ZNF264: variants seen among roughly 807,000 people sequenced by gnomAD.
ZNF264 encodes the protein zinc finger protein 264.
ZNF264 carries 11 observed loss-of-function variants against 11.2 expected under a neutral mutation model. The ratio of observed to expected loss-of-function variants is 0.98; its 90% CI spans 0.62 to 1.63. The LOEUF is 1.63. Ranked by LOEUF, ZNF264 falls within the 40% of genes most tolerant of loss-of-function variation. ZNF264 has a pLI of 0.00. For synonymous variants in ZNF264, 309 were observed against 279.8 expected, an observed-to-expected ratio of 1.10 and a Z score of -1.04; for missense variants, 752 against 768.1, an observed-to-expected ratio of 0.98 and a Z score of 0.25.
At chr19:57,199,470 G>C (rs1224352083) in intron 2 of ZNF264, among the ~76,000 whole-genome samples, 1 of 151,788 alleles carries the variant, frequency 6.6e-6, no homozygotes, top group Non-Finnish European at 1.5e-5. Flanking sequence ...GCTCACCCAT[G>C]ATGGGCCATC....
In ZNF264 at chr19:57,212,093, G is replaced by T; in HGVS notation, c.996G>T (p.Arg332=). Residue 332 remains arginine, a synonymous_variant, in exon 4 of 4, where the codon CGG becomes CGT. Coordinates refer to ENST00000263095, the MANE Select transcript of ZNF264 (RefSeq NM_003417.5). ...TTCGACATAGGCCAGGCTTTCTCCG[G>T]CACTATGTTGTCCACAGTGGTGAGA... ...QVFRHRPGFL[R]HYVVHSGENP... is the part of the protein sequence containing the mutation. 1 of 1,614,108 alleles carries T rather than the reference G, an allele frequency of 6.2e-7. No individual in the cohort carries two copies. Among genetic ancestry groups the T allele is most frequent in the Non-Finnish European group, 8.5e-7 (1 of 1,180,020 alleles).
intron 1 of ZNF264, 28 bp from the exon 2 acceptor site, chr19:57,193,847 A>G (rs1489703321): frequency 6.2e-7 from 1 of 1,612,880 alleles, no homozygotes; most frequent in Non-Finnish European, 8.5e-7. Flanking sequence ...TGAAAGGCCA[A>G]TACTACTAAT....
At chr19:57,196,941 C>T (rs770147447) in intron 2 of ZNF264, among the ~76,000 whole-genome samples, 1 of 151,990 alleles carries the variant, frequency 6.6e-6, no homozygotes, top group African/African-American at 2.4e-5. Context: ...AGGTGCACTG[C>T]TCCAAGTTCT....
At chr19:57,207,731 T>A (rs2087303978) in intron 3 of ZNF264, among the ~76,000 whole-genome samples, 1 of 151,454 alleles carries the variant, frequency 6.6e-6, no homozygotes, top group African/African-American at 2.4e-5. Flanking sequence ...TTTTTTGTTT[T>A]GTTTTGTTTT....
intron 2 of ZNF264, 56 bp from the exon 3 acceptor site, chr19:57,205,341 G>A (rs1474037883): frequency 2.0e-6 from 3 of 1,512,214 alleles, no homozygotes; most frequent in East Asian, 4.8e-5. Flanking sequence ...CTAGATTGAA[G>A]GTCTTTATTT....
At position 57,216,113 on chromosome 19, in the gene ZNF264, G is replaced by A. The variant is rs895910210; in HGVS notation, c.*3132G>A. ...CACGCCTGTAATCCTAGCACTTTGA[G>A]ACCACTAAGGCAGGTGGATCACCTG... is the stretch of plus-strand genomic sequence containing the variant. On this transcript the variant is annotated 3_prime_UTR_variant, in exon 4 of 4. Transcript: ENST00000263095. The A allele has an allele frequency of 1.3e-5, 2 of 152,252 alleles. No homozygotes were observed. The highest frequency in any genetic ancestry group is 6.5e-5 in the Admixed American group (1 of 15,270). 9.4% of individuals were successfully genotyped at this position (152,252 alleles called of 1,614,324 possible). A position where few individuals can be genotyped will look rare whatever the true frequency, so the allele number is the denominator to read the frequency against.
intron 2 of ZNF264, among the ~76,000 whole-genome samples, chr19:57,203,417 G>T (rs551478031): frequency 7.3e-4 from 111 of 152,192 alleles, no homozygotes; most frequent in African/African-American, 2.6e-3. Flanking sequence ...GTCTGAAAAG[G>T]CTTCAAGATG....
rs2087428219 is a variant in ZNF264 at position 57,222,841 on chromosome 19, T to C, written c.*9860T>C. On this transcript the variant is annotated 3_prime_UTR_variant, in exon 4 of 4. Coordinates refer to ENST00000263095, the MANE Select transcript of ZNF264 (RefSeq NM_003417.5). ...TAACTTGTGATTAAAGAGTATGTTATTGGAATCATGTTTGCCTGAGTTTTA... is the reference window on the plus strand; with the variant it reads ...TAACTTGTGATTAAAGAGTATGTTACTGGAATCATGTTTGCCTGAGTTTTA... 6.5e-6 allele frequency: 1 copy of C among 152,760 alleles called. No homozygotes were observed. Among genetic ancestry groups the C allele is most frequent in the South Asian group, 2.1e-4 (1 of 4,836 alleles). The allele number at this position is 152,760 out of a possible 1,614,324, so 9.5% of individuals were successfully genotyped here.
chr19:57,215,547 A>T lies in ZNF264; in HGVS notation c.*2566A>T, dbSNP rs1401258757. The T allele has an allele frequency of 6.6e-6, 1 of 151,960 alleles. No homozygotes were observed. The highest frequency in any genetic ancestry group is 1.9e-4 in the East Asian group (1 of 5,182). The allele number at this position is 151,960 out of a possible 1,614,324, so 9.4% of individuals were successfully genotyped here. ...CTTGATTTCTTTGATTTCTGCTCTG[A>T]TCGGTATTATATTCCACTTGCTTTG... is the stretch of plus-strand genomic sequence containing the variant. On this transcript the variant is annotated 3_prime_UTR_variant, in exon 4 of 4. Transcript: ENST00000263095.
intron 2 of ZNF264, among the ~76,000 whole-genome samples, chr19:57,202,317 T>A (rs1267041771): frequency 6.6e-6 from 1 of 151,906 alleles, no homozygotes; most frequent in Non-Finnish European, 1.5e-5. Flanking sequence ...TTACAATTCG[T>A]GAAAGAAGAG....
Position 57,217,165 on chromosome 19 carries a change from C to T in ZNF264, c.*4184C>T, listed in dbSNP as rs2087385895. Reference sequence around the variant, plus strand: ...AGTGTGGTTTCTACTGAATGCATGTCGCATTCGCACCATTGTAAAGTCAAG... The same window carrying T: ...AGTGTGGTTTCTACTGAATGCATGTTGCATTCGCACCATTGTAAAGTCAAG... On this transcript the variant is annotated 3_prime_UTR_variant, in exon 4 of 4. Coordinates refer to ENST00000263095, the MANE Select transcript of ZNF264 (RefSeq NM_003417.5). 6.6e-6 allele frequency: 1 copy of T among 152,134 alleles called. No homozygotes were observed. Among genetic ancestry groups the T allele is most frequent in the Admixed American group, 6.5e-5 (1 of 15,270 alleles). 9.4% of individuals were successfully genotyped at this position (152,134 alleles called of 1,614,324 possible).
rs2087284868 is a variant in ZNF264, at chr19:57,205,440, T to C, written c.204T>C (p.His68=). 1.8e-5 allele frequency: 29 copies of C among 1,612,584 alleles called. No individual in the cohort carries two copies. The highest frequency in any genetic ancestry group is 2.5e-5 in the Non-Finnish European group (29 of 1,179,440). ...CTGAGCTGATCTGCCACCTAGAGCA[T>C]GGGCAGGAGCCATGGACCAGGAAGG... ...PKAELICHLE[H]GQEPWTRKED... The change falls in exon 3 of 4, where the codon CAT becomes CAC. Residue 68 remains histidine, a synonymous_variant. Transcript: ENST00000263095.
chr19:57,203,523 T>G (rs73062836), intron 2 of ZNF264, among the ~76,000 whole-genome samples: 17,756 of 152,218 alleles, frequency 0.12, 1,102 homozygotes, highest in Admixed American at 0.14. Flanking sequence ...TCTATGAAGC[T>G]GTCCTTTGAG....
intron 3 of ZNF264, among the ~76,000 whole-genome samples, chr19:57,205,778 C>T (rs964904128): frequency 1.3e-5 from 2 of 152,198 alleles, no homozygotes; most frequent in Non-Finnish European, 2.9e-5. Flanking sequence ...TGAAATGTGG[C>T]TTGCCAGTCA....
chr19:57,202,709 G>A (rs2087262244), intron 2 of ZNF264, among the ~76,000 whole-genome samples: 1 of 151,876 alleles, frequency 6.6e-6, no homozygotes, highest in African/African-American at 2.4e-5. Context: ...CCTTGCCCTA[G>A]GAGTCTCTTC....
Position 57,213,116 on chromosome 19 carries a change from C to A in ZNF264, c.*135C>A. Reference sequence around the variant, plus strand: ...AGTGGTTATTGTGCACATAGGAGAACCTTCAGCTGCATCTTTCTCCTTAGT... The same window carrying A: ...AGTGGTTATTGTGCACATAGGAGAAACTTCAGCTGCATCTTTCTCCTTAGT... On this transcript the variant is annotated 3_prime_UTR_variant, in exon 4 of 4. Transcript: ENST00000263095. The A allele has an allele frequency of 2.6e-6, 2 of 759,734 alleles. No homozygotes were observed. Among genetic ancestry groups the A allele is most frequent in the Non-Finnish European group, 2.0e-6 (1 of 503,102 alleles). 47.1% of individuals were successfully genotyped at this position (759,734 alleles called of 1,614,324 possible). A position where few individuals can be genotyped will look rare whatever the true frequency, so the allele number is the denominator to read the frequency against.
rs2087172135 is a variant in ZNF264, at chr19:57,191,530, C to T, written c.-384C>T. 1 of 222,342 alleles carries T rather than the reference C, an allele frequency of 4.5e-6. No individual in the cohort carries two copies. Among genetic ancestry groups the T allele is most frequent in the Non-Finnish European group, 8.8e-6 (1 of 114,124 alleles). The allele number at this position is 222,342 out of a possible 1,614,324, so 13.8% of individuals were successfully genotyped here. ...CTTCTGCACTTCTGTCTGGAGAGGT[C>T]TGTAGCCACTGAGGGCCCCGGTCGG... On this transcript the variant is annotated 5_prime_UTR_variant, in exon 1 of 4. Coordinates refer to ENST00000263095, the MANE Select transcript of ZNF264 (RefSeq NM_003417.5).
In ZNF264 at chr19:57,212,005, T is replaced by A. The variant is rs77368328; in HGVS notation, c.908T>A (p.Val303Asp). The A allele has an allele frequency of 2.2e-4, 355 of 1,613,818 alleles. No homozygotes were observed. The highest frequency in any genetic ancestry group is 2.4e-4 in the Non-Finnish European group (281 of 1,179,946). ...GKAFTHRSNFVLHNRRHTGEK... is the reference protein window; with the variant it reads ...GKAFTHRSNFDLHNRRHTGEK... ...GCCTTCACCCACCGCTCCAATTTTG[T>A]CTTGCATAACAGGAGACACACTGGA... The change falls in exon 4 of 4, where the codon GTC becomes GAC. Residue 303 changes from valine to aspartate, a missense_variant. Val to Asp is a radical substitution (Grantham distance 152). Coordinates refer to ENST00000263095, the MANE Select transcript of ZNF264 (RefSeq NM_003417.5).
rs1433726062 is a variant in ZNF264, at chr19:57,192,385, G to C, written c.33+439G>C. ...CCGCTGAGACGTGGAGGGCAACAGT[G>C]TGTGGTCTTTTCCTGGATGTTCTAG... On this transcript the variant is annotated intron_variant, in intron 1 of 3. Coordinates refer to ENST00000263095, the MANE Select transcript of ZNF264 (RefSeq NM_003417.5). 6 of 985,272 alleles carry C rather than the reference G, an allele frequency of 6.1e-6. No homozygotes were observed. The South Asian group carries it at 2.8e-4, about 46-fold the overall frequency. 61.0% of individuals were successfully genotyped at this position (985,272 alleles called of 1,614,324 possible). A position where few individuals can be genotyped will look rare whatever the true frequency, so the allele number is the denominator to read the frequency against.
Sources: allele counts gnomAD v4.1 joint callset (sites outside exome capture counted in the v4.1 genomes callset), GRCh38; gene constraint gnomAD v4.1.1; transcripts MANE v1.5; gene names NCBI Gene and HGNC (gene_info 2026-07-23, HGNC 2026-07-21).